Variants in ABCA9 observed in about 807,000 individuals in gnomAD.
ABCA9 encodes the protein ATP-binding cassette sub-family A member 9.
A neutral mutation model predicts 205.3 loss-of-function variants in ABCA9; 183 were observed. The observed-to-expected ratio is 0.89, with a 90% CI of 0.79 to 1.01. ABCA9 has a LOEUF of 1.01. ABCA9 is among the 50% of genes least tolerant of loss of function. The probability of loss-of-function intolerance (pLI) is 0.00; values close to 1 mark genes in which losing one functional copy is unlikely to be tolerated. For synonymous variants in ABCA9, 651 were observed against 683.3 expected (o/e 0.95, Z 0.74); for missense variants, 1,805 against 1,912.4 (o/e 0.94, Z 1.05).
At chr17:68,982,741 A>G in intron 36 of ABCA9, 100 bp from the exon 37 acceptor site, 2 of 945,406 alleles carry the variant, frequency 2.1e-6, no homozygotes, top group Middle Eastern at 2.2e-4. Flanking sequence ...ATGGTGGCCC[A>G]TGCCTGTAAC....
chr17:69,005,111 C>T (rs556923180), intron 25 of ABCA9, among the ~76,000 whole-genome samples: 6 of 152,144 alleles, frequency 3.9e-5, no homozygotes, highest in Non-Finnish European at 8.8e-5. Flanking sequence ...AGCTGTAGAC[C>T]GGAGCTGTTC....
intron 16 of ABCA9, among the ~76,000 whole-genome samples, chr17:69,025,977 T>A (rs1035412343): frequency 2.6e-5 from 4 of 151,658 alleles, no homozygotes; most frequent in African/African-American, 9.7e-5. Flanking sequence ...ATAATTATTA[T>A]CAGTAAGAGA....
At position 69,021,872 on chromosome 17, in the gene ABCA9, A is replaced by T. The variant is rs181040547; in HGVS notation, c.2282-11T>A. 1 of 1,418,624 alleles carries T rather than the reference A, an allele frequency of 7.0e-7. No homozygotes were observed. Among genetic ancestry groups the T allele is most frequent in the Non-Finnish European group, 9.6e-7 (1 of 1,046,942 alleles). 87.9% of individuals were successfully genotyped at this position (1,418,624 alleles called of 1,614,324 possible). Reference sequence around the variant, plus strand: ...GATCCCTGTAAAGTTCTAAAAGTGGATACAAAAACAGATTATAAGAATATA... The same window carrying T: ...GATCCCTGTAAAGTTCTAAAAGTGGTTACAAAAACAGATTATAAGAATATA... On this transcript the variant is annotated splice_polypyrimidine_tract_variant and intron_variant, in intron 17 of 38. Coordinates refer to ENST00000340001, the MANE Select transcript of ABCA9 (RefSeq NM_080283.4).
At chr17:69,048,458 T>C (rs1169402904) in intron 3 of ABCA9, among the ~76,000 whole-genome samples, 1 of 152,196 alleles carries the variant, frequency 6.6e-6, no homozygotes, top group Admixed American at 6.5e-5. Flanking sequence ...TCTTTTGGCA[T>C]AACCGATCAG....
At chr17:69,074,957 G>A in the ABCA9 span, among the ~76,000 whole-genome samples, 1 of 152,084 alleles carries the variant, frequency 6.6e-6, no homozygotes, top group Non-Finnish European at 1.5e-5. Context: ...GGTATAATAA[G>A]GTATCTCATT....
rs368205804 is a variant in ABCA9, at chr17:68,975,866, T to C, written c.*49A>G. ...GGCATATTAAGGCTATAAAATATTA[T>C]CTTTAAAAGAGTCACAGGATTAAAG... On this transcript the variant is annotated 3_prime_UTR_variant, in exon 39 of 39. Coordinates refer to ENST00000340001, the MANE Select transcript of ABCA9 (RefSeq NM_080283.4). The C allele has an allele frequency of 1.5e-5, 21 of 1,389,798 alleles. No individual in the cohort carries two copies. The highest frequency in any genetic ancestry group is 2.1e-4 in the Middle Eastern group (1 of 4,814). 86.1% of individuals were successfully genotyped at this position (1,389,798 alleles called of 1,614,324 possible).
chr17:69,058,251 G>A (rs1352449211), intron 1 of ABCA9, among the ~76,000 whole-genome samples: 2 of 152,132 alleles, frequency 1.3e-5, no homozygotes, highest in African/African-American at 4.8e-5. Flanking sequence ...TGTTGAACAG[G>A]AGTGGCAATC....
At chr17:68,995,431 C>T (rs181269935) in intron 26 of ABCA9, among the ~76,000 whole-genome samples, 74 of 152,208 alleles carry the variant, frequency 4.9e-4, no homozygotes, top group South Asian at 6.2e-4. Context: ...CTCTACTCAC[C>T]GCGTAGGTCA....
At chr17:69,009,554 C>T (rs58844770) in intron 23 of ABCA9, among the ~76,000 whole-genome samples, 14,374 of 152,196 alleles carry the variant, frequency 0.094, 1,475 homozygotes, top group African/African-American at 0.26. Flanking sequence ...GCAAGGATTT[C>T]AATCCTGCTC....
chr17:68,989,334 A>C (rs2069368944), intron 30 of ABCA9, among the ~76,000 whole-genome samples: 1 of 151,182 alleles, frequency 6.6e-6, no homozygotes, highest in African/African-American at 2.4e-5. Flanking sequence ...ACAGGTGAGG[A>C]AGCTAAGACT....
intron 6 of ABCA9, among the ~76,000 whole-genome samples, chr17:69,038,721 A>T (rs1272604671): frequency 1.3e-5 from 2 of 152,190 alleles, no homozygotes; most frequent in Non-Finnish European, 2.9e-5. Context: ...GGCCAGCACA[A>T]TCAGGCAAGA....
chr17:68,982,699 G>A, intron 36 of ABCA9, 58 bp from the exon 37 acceptor site: 1 of 1,371,378 alleles, frequency 7.3e-7, no homozygotes, highest in Non-Finnish European at 1.0e-6. Flanking sequence ...ACCCCGATGG[G>A]TACAAGTCTA....
Position 69,035,279 on chromosome 17 carries a change from A to AAG in ABCA9, c.1093_1094dup (p.Ser366LeufsTer20). 1 of 1,602,626 alleles carries AAG rather than the reference A, an allele frequency of 6.2e-7. No homozygotes were observed. The highest frequency in any genetic ancestry group is 2.3e-5 in the East Asian group (1 of 44,316). On this transcript the variant is annotated frameshift_variant, in exon 8 of 39. Transcript: ENST00000340001. LOFTEE classifies it high-confidence loss of function. ...TCCCAACAGTGAAGGCAAAGGGGCT[A>AAG]AGAAGACACAAAGTCCATTCCAAAA...
Position 68,986,254 on chromosome 17 carries a change from A to G in ABCA9, c.4118T>C (p.Leu1373Pro). The G allele has an allele frequency of 1.9e-6, 3 of 1,614,094 alleles. No individual in the cohort carries two copies. The highest frequency in any genetic ancestry group is 2.5e-6 in the Non-Finnish European group (3 of 1,179,970). Residue 1373 changes from leucine (L) to proline (P), a missense_variant, in exon 32 of 39, where the codon CTG (leucine) becomes CCG (proline). Coordinates refer to ENST00000340001, the MANE Select transcript of ABCA9 (RefSeq NM_080283.4). ...FLGYCPQENA[L>P]WPNLTVRQHL... ...CTGCCTCACTGTCAGGTTGGGCCAC[A>G]GCGCATTCTCCTGAGGGCAGTACCC...
intron 37 of ABCA9, 54 bp downstream of exon 37, chr17:68,982,508 C>A: frequency 7.4e-7 from 1 of 1,349,186 alleles, no homozygotes; most frequent in Non-Finnish European, 1.1e-6. Flanking sequence ...GGTTCTATGT[C>A]AGATTTAGGC....
intron 31 of ABCA9, among the ~76,000 whole-genome samples, chr17:68,987,133 G>A (rs1019282036): frequency 5.9e-5 from 9 of 152,132 alleles, no homozygotes; most frequent in Non-Finnish European, 1.5e-5. Flanking sequence ...CCCTGTATGT[G>A]TTAGGTGTTT....
chr17:69,071,853 G>T, the ABCA9 span, among the ~76,000 whole-genome samples: 1 of 152,146 alleles, frequency 6.6e-6, no homozygotes, highest in African/African-American at 2.4e-5. Flanking sequence ...TTTGATAAAA[G>T]TTTAGAGGAA....
intron 16 of ABCA9, among the ~76,000 whole-genome samples, chr17:69,025,059 A>G (rs1455050144): frequency 6.6e-6 from 1 of 152,182 alleles, no homozygotes; most frequent in Non-Finnish European, 1.5e-5. Flanking sequence ...TACAAGGTAT[A>G]GTACTTACAA....
chr17:69,026,279 A>T lies in ABCA9; in HGVS notation c.2141+98T>A, dbSNP rs1046750852. On this transcript the variant is annotated intron_variant, in intron 16 of 38. Transcript: ENST00000340001. Reference sequence around the variant, plus strand: ...ACCATAGCTCCCTTGAAATGAACTTAGTGGTTATAGGGCCTACTTTTACAC... The same window carrying T: ...ACCATAGCTCCCTTGAAATGAACTTTGTGGTTATAGGGCCTACTTTTACAC... The T allele has an allele frequency of 1.0e-5, 9 of 884,940 alleles. No individual in the cohort carries two copies. In the Admixed American group the frequency reaches 1.8e-4, roughly 18 times the overall value. The allele number at this position is 884,940 out of a possible 1,614,324, so 54.8% of individuals were successfully genotyped here.
Sources: allele counts gnomAD v4.1 joint callset (sites outside exome capture counted in the v4.1 genomes callset), GRCh38; gene constraint gnomAD v4.1.1; transcripts MANE v1.5; gene names NCBI Gene and HGNC (gene_info 2026-07-23, HGNC 2026-07-21).